Variants in MSH3 observed in about 807,000 individuals in gnomAD.
MSH3 encodes mutS homolog 3, also known as DNA mismatch repair protein Msh3.
MSH3 carries 106 observed loss-of-function variants against 123.3 expected under a neutral mutation model. The ratio of observed to expected loss-of-function variants is 0.86; its 90% confidence interval spans 0.73 to 1.01. The LOEUF is 1.01. MSH3 is among the 50% of genes least tolerant of loss of function. The pLI, the probability that MSH3 is intolerant of heterozygous loss-of-function variation, is 0.00. For synonymous variants in MSH3, 515 were observed against 481.4 expected (o/e 1.07, Z -0.91); for missense variants, 1,459 against 1,347.6 (o/e 1.08, Z -1.29).
intron 20 of MSH3, among the ~76,000 whole-genome samples, chr5:80,840,591 TTTG>T (rs1011244529): frequency 5.3e-5 from 8 of 152,110 alleles, no homozygotes; most frequent in East Asian, 1.9e-4. Flanking sequence ...TTTTTGGGTT[TTTG>T]TTGTTGTTGT....
At chr5:80,695,291 G>A (rs1750451767) in intron 8 of MSH3, among the ~76,000 whole-genome samples, 1 of 151,366 alleles carries the variant, frequency 6.6e-6, no homozygotes, top group Non-Finnish European at 1.5e-5. Flanking sequence ...GTGCTGTTGA[G>A]TGCATCCACT....
Position 80,750,078 on chromosome 5 carries a change from A to AGTGTGCGTGT in MSH3, c.1763+5468_1763+5469insCGTGTGTGTG, listed in dbSNP as rs138305039. ...TTTTTAAGGCTGAATAGTATTCCAG[A>AGTGTGCGTGT]GTGTGTGTGTGTGTGTGTGTGTGTG... On this transcript the variant is annotated intron_variant, in intron 12 of 23. Transcript: ENST00000265081. Among the ~76,000 whole-genome samples, 216 of 134,260 alleles carry AGTGTGCGTGT rather than the reference A, an allele frequency of 1.6e-3. 1 individual carries two copies. Among genetic ancestry groups the AGTGTGCGTGT allele is most frequent in the African/African-American group, 6.2e-3 (206 of 33,382 alleles). The allele number at this position is 134,260 out of a possible 152,430, so 88.1% of individuals were successfully genotyped here.
chr5:80,826,818 G>A (rs758059018), intron 20 of MSH3, among the ~76,000 whole-genome samples: 1 of 138,910 alleles, frequency 7.2e-6, no homozygotes, highest in Non-Finnish European at 1.6e-5. Flanking sequence ...AGAAGTGCTA[G>A]GATTACAGGT....
At chr5:80,814,568 G>C (rs893224975) in intron 20 of MSH3, among the ~76,000 whole-genome samples, 20 of 152,226 alleles carry the variant, frequency 1.3e-4, no homozygotes, top group African/African-American at 4.8e-4. Flanking sequence ...ACCACACCCA[G>C]CTGAGTTCTT....
intron 19 of MSH3, among the ~76,000 whole-genome samples, chr5:80,804,558 A>G (rs1744850700): frequency 6.6e-6 from 1 of 152,226 alleles, no homozygotes; most frequent in Non-Finnish European, 1.5e-5. Context: ...GTGGTCTTGC[A>G]TAATATTCTG....
intron 20 of MSH3, among the ~76,000 whole-genome samples, chr5:80,819,231 A>G (rs940680173): frequency 1.3e-5 from 2 of 152,022 alleles, no homozygotes; most frequent in Admixed American, 1.3e-4. Flanking sequence ...AGAAATTATA[A>G]TGTTATTAGG....
intron 23 of MSH3, among the ~76,000 whole-genome samples, chr5:80,875,478 A>G (rs1746291918): frequency 6.6e-6 from 1 of 152,186 alleles, no homozygotes; most frequent in Non-Finnish European, 1.5e-5. Flanking sequence ...AGTTTGAAGG[A>G]GGAGGAGGTC....
chr5:80,695,970 AG>A (rs1333936069), intron 8 of MSH3, among the ~76,000 whole-genome samples: 1 of 152,192 alleles, frequency 6.6e-6, no homozygotes, highest in Admixed American at 6.5e-5. Flanking sequence ...ACACTGCTTC[AG>A]CAGGGTAGGG....
At chr5:80,745,137 T>G (rs1439618455) in intron 12 of MSH3, among the ~76,000 whole-genome samples, 1 of 152,168 alleles carries the variant, frequency 6.6e-6, no homozygotes, top group Non-Finnish European at 1.5e-5. Context: ...GGGAAGATAC[T>G]TGAATCCAGT....
intron 22 of MSH3, among the ~76,000 whole-genome samples, chr5:80,866,921 CAG>C (rs916615274): frequency 2.6e-5 from 4 of 152,332 alleles, no homozygotes; most frequent in African/African-American, 9.6e-5. Context: ...CCTGTACCCT[CAG>C]ATAGCTTCGT....
rs777318930 is a variant in MSH3 at position 80,813,738 on chromosome 5, C to A, written c.2810C>A (p.Thr937Lys). 1.2e-6 allele frequency: 2 copies of A among 1,614,094 alleles called. No individual in the cohort carries two copies. The highest frequency in any genetic ancestry group is 1.7e-6 in the Non-Finnish European group (2 of 1,179,964). Residue 937 changes from threonine (T) to lysine (K), a missense_variant, in exon 20 of 24, where the codon ACA becomes AAA. By Grantham distance (78) the Thr-to-Lys change is moderately conservative. Coordinates refer to ENST00000265081, the MANE Select transcript of MSH3 (RefSeq NM_002439.5). ...ATIGIVDGIF[T>K]RMGAADNIYK... ...ATTGGGATTGTGGATGGCATTTTCA[C>A]AAGGTAAGTACGTTAATTCAGCTTG...
chr5:80,819,418 G>A (rs1168597981), intron 20 of MSH3, among the ~76,000 whole-genome samples: 1 of 145,208 alleles, frequency 6.9e-6, no homozygotes. Flanking sequence ...GTGTATATAT[G>A]TATATATGTG....
intron 17 of MSH3, among the ~76,000 whole-genome samples, chr5:80,783,951 T>C (rs995629932): frequency 6.6e-6 from 1 of 151,944 alleles, no homozygotes. Flanking sequence ...GGCTCATGCC[T>C]GTAATCCCAG....
chr5:80,824,557 T>C (rs1745261007), intron 20 of MSH3, among the ~76,000 whole-genome samples: 1 of 152,230 alleles, frequency 6.6e-6, no homozygotes, highest in Non-Finnish European at 1.5e-5. Context: ...AAGCACTTCC[T>C]CAAGCCCTCG....
chr5:80,754,467 T>C (rs1194772110), intron 12 of MSH3, among the ~76,000 whole-genome samples: 1 of 152,128 alleles, frequency 6.6e-6, no homozygotes, highest in African/African-American at 2.4e-5. Context: ...TCTAATCTGG[T>C]CAAGGTATAA....
chr5:80,716,109 T>C (rs544254854), intron 8 of MSH3, among the ~76,000 whole-genome samples: 2 of 152,328 alleles, frequency 1.3e-5, no homozygotes, highest in East Asian at 3.9e-4. Flanking sequence ...GTGATCATTC[T>C]GCCATTCACT....
chr5:80,765,297 T>C (rs1379657336), intron 13 of MSH3, among the ~76,000 whole-genome samples: 1 of 152,324 alleles, frequency 6.6e-6, no homozygotes, highest in Non-Finnish European at 1.5e-5. Flanking sequence ...TTGTGTTTGT[T>C]TCTTTACTTT....
rs1580553740 is a variant in MSH3 at position 80,675,050 on chromosome 5, C to T, written c.1095C>T (p.Thr365=). The stretch of plus-strand genomic sequence containing the variant: ...ATGAGATAATGACTGATACTTCTAC[C>T]AGCTATCTTCTGTGCATCTCTGAAA... The part of the protein sequence containing the change: ...NVDEIMTDTS[T]SYLLCISENK... Residue 365 remains threonine, a synonymous_variant, in exon 7 of 24, where the codon ACC becomes ACT. Transcript: ENST00000265081. 6.2e-7 allele frequency: 1 copy of T among 1,612,954 alleles called. No homozygotes were observed. The highest frequency in any genetic ancestry group is 8.5e-7 in the Non-Finnish European group (1 of 1,179,312).
intron 21 of MSH3, among the ~76,000 whole-genome samples, 195 bp from the exon 22 acceptor site, chr5:80,864,618 G>A (rs1746068372): frequency 6.6e-6 from 1 of 152,118 alleles, no homozygotes; most frequent in African/African-American, 2.4e-5. Flanking sequence ...TGTCTGTGGA[G>A]GAGGAAGAAG....
Sources: gnomAD v4.1 joint callset for allele counts (sites outside exome capture counted in the v4.1 genomes callset) on GRCh38, gnomAD v4.1.1 for gene constraint, MANE v1.5 for transcripts, NCBI Gene and HGNC (gene_info 2026-07-23, HGNC 2026-07-21) for gene names.